Variants in PDE8B observed in about 807,000 individuals in gnomAD.
PDE8B encodes the protein high affinity cAMP-specific and IBMX-insensitive 3',5'-cyclic phosphodiesterase 8B.
In PDE8B, 26 loss-of-function variants were observed where a neutral mutation model predicts 101.3. The ratio of observed to expected loss-of-function variants is 0.26; its 90% CI spans 0.19 to 0.36. The LOEUF is 0.36. PDE8B is among the 10% of genes least tolerant of loss of function. The pLI is 1.00. For missense variants in PDE8B, 810 were observed against 1,163.1 expected (o/e 0.70, Z 4.42); for synonymous variants, 424 against 429.3 (o/e 0.99, Z 0.15).
chr5:77,267,096 A>G (rs1046260740), intron 1 of PDE8B, among the ~76,000 whole-genome samples: 1 of 152,060 alleles, frequency 6.6e-6, no homozygotes, highest in Non-Finnish European at 1.5e-5. Flanking sequence ...TGCTCAGTTG[A>G]GTGACTCATT....
chr5:77,327,296 T>C lies in PDE8B; in HGVS notation c.590+1567T>C, dbSNP rs146832800. On this transcript the variant is annotated intron_variant, in intron 3 of 21. Transcript: ENST00000264917. ...CCCCACCTTCTCCTTAGTCCTCTCA[T>C]CCAGGAAGAGGCCTAGGTCTCTCTT... 6.6e-4 allele frequency among the ~76,000 whole-genome samples: 101 copies of C among 152,256 alleles called. 2 individuals carry two copies. The highest frequency in any genetic ancestry group is 2.6e-4 in the Non-Finnish European group (18 of 68,018).
At chr5:77,113,662 TG>T in the PDE8B span, 1 of 152,050 alleles carries the variant, frequency 6.6e-6, no homozygotes, top group Non-Finnish European at 1.5e-5. Context: ...AATAGACAAA[TG>T]GAATCTAATT....
intron 1 of PDE8B, among the ~76,000 whole-genome samples, chr5:77,287,526 A>G (rs747797937): frequency 6.7e-6 from 1 of 149,908 alleles, no homozygotes; most frequent in Non-Finnish European, 1.5e-5. Flanking sequence ...ATTCTCCACC[A>G]TTTTCTCTTC....
Position 77,349,547 on chromosome 5 carries a change from C to G in PDE8B, c.1005C>G (p.Ile335Met). 3.7e-6 allele frequency: 6 copies of G among 1,614,124 alleles called. No individual in the cohort carries two copies. The highest frequency in any genetic ancestry group is 5.1e-6 in the Non-Finnish European group (6 of 1,180,020). The change falls in exon 8 of 22, where the codon ATC (isoleucine) becomes ATG (methionine). Residue 335 changes from isoleucine to methionine, a missense_variant. Coordinates refer to ENST00000264917, the MANE Select transcript of PDE8B (RefSeq NM_003719.5). ...TTCTCGACACCATCAATACATGCAT[C>G]AAGAAGGGAAAGGTGGGTTACACCA... ...ADLLDTINTC[I>M]KKGKEWQGVY...
At chr5:77,367,714 A>G (rs1784404856) in intron 10 of PDE8B, among the ~76,000 whole-genome samples, 1 of 152,084 alleles carries the variant, frequency 6.6e-6, no homozygotes, top group Non-Finnish European at 1.5e-5. Context: ...TATTTTTAGT[A>G]GAGATGAGGT....
chr5:77,127,732 G>T, the PDE8B span, among the ~76,000 whole-genome samples: 1 of 152,006 alleles, frequency 6.6e-6, no homozygotes, highest in Non-Finnish European at 1.5e-5. Context: ...AGGGTCTCCT[G>T]GCAAGATGAG....
At position 77,281,038 on chromosome 5, in the gene PDE8B, T is replaced by A. The variant is rs534515745; in HGVS notation, c.340-30956T>A. On this transcript the variant is annotated intron_variant, in intron 1 of 21. Transcript: ENST00000264917. Reference sequence around the variant, plus strand: ...TCCACCTGCCGAGGGGCTGGAGGTGTGCTTGCTGCTGTAAACTTGCTCTGT... The same window carrying A: ...TCCACCTGCCGAGGGGCTGGAGGTGAGCTTGCTGCTGTAAACTTGCTCTGT... Among the ~76,000 whole-genome samples the A allele has an allele frequency of 6.6e-5, 10 of 152,378 alleles. No homozygotes were observed. In the South Asian group the frequency reaches 1.9e-3, roughly 28 times the overall value.
At chr5:77,230,740 C>T (rs1450184091) in intron 1 of PDE8B, among the ~76,000 whole-genome samples, 2 of 152,176 alleles carry the variant, frequency 1.3e-5, no homozygotes, top group East Asian at 1.9e-4. Flanking sequence ...CCACCAGACC[C>T]GGCCATTCTG....
intron 1 of PDE8B, among the ~76,000 whole-genome samples, chr5:77,267,697 C>T (rs1285244951): frequency 6.6e-6 from 1 of 152,176 alleles, no homozygotes; most frequent in Non-Finnish European, 1.5e-5. Context: ...TGATCCTAAT[C>T]AGTGCGTGTT....
the PDE8B span, chr5:77,119,404 A>C: frequency 6.6e-6 from 1 of 152,210 alleles, no homozygotes. Context: ...CACGCCTGTA[A>C]TCCCAGCACT....
chr5:77,153,389 A>G, the PDE8B span, among the ~76,000 whole-genome samples: 1 of 152,220 alleles, frequency 6.6e-6, no homozygotes, highest in African/African-American at 2.4e-5. Flanking sequence ...TGTGCAATGA[A>G]TGAATGTCAT....
At chr5:77,348,306 G>A (rs1479459973) in intron 7 of PDE8B, among the ~76,000 whole-genome samples, 1 of 152,154 alleles carries the variant, frequency 6.6e-6, no homozygotes, top group Non-Finnish European at 1.5e-5. Context: ...ATTCTTCACC[G>A]CTTGTCTCTC....
rs544703394 is a variant in PDE8B, at chr5:77,376,824, C to G, written c.1167+23418C>G. Among the ~76,000 whole-genome samples the G allele has an allele frequency of 4.6e-5, 7 of 152,262 alleles. 1 individual carries two copies. In the East Asian group the frequency reaches 9.6e-4, roughly 21 times the overall value. ...AGGATCAATTCTATCTTATGCTAAT[C>G]AAGTGCAAATGAAGGCCTGGTGTCA... On this transcript the variant is annotated intron_variant, in intron 10 of 21. Coordinates refer to ENST00000264917, the MANE Select transcript of PDE8B (RefSeq NM_003719.5).
At chr5:77,250,421 G>C (rs190650994) in intron 1 of PDE8B, among the ~76,000 whole-genome samples, 174 of 152,216 alleles carry the variant, frequency 1.1e-3, no homozygotes, top group Non-Finnish European at 1.7e-3. Context: ...TGACCCTGGG[G>C]TATATGAGGA....
chr5:77,095,269 T>G, the PDE8B span, among the ~76,000 whole-genome samples: 1 of 152,172 alleles, frequency 6.6e-6, no homozygotes, highest in African/African-American at 2.4e-5. Flanking sequence ...GTGAAATGCC[T>G]TGAGCATCCC....
At chr5:77,144,099 A>C in the PDE8B span, 1 of 152,158 alleles carries the variant, frequency 6.6e-6, no homozygotes, top group Non-Finnish European at 1.5e-5. Context: ...ATCTGCTCAA[A>C]AGAGCATGGA....
chr5:77,163,906 C>T, the PDE8B span, among the ~76,000 whole-genome samples: 1 of 152,190 alleles, frequency 6.6e-6, no homozygotes, highest in East Asian at 1.9e-4. Context: ...TTAAACGTGG[C>T]CTTGTGACCC....
chr5:77,397,630 C>T (rs1457758656), intron 10 of PDE8B, among the ~76,000 whole-genome samples: 1 of 152,164 alleles, frequency 6.6e-6, no homozygotes, highest in Admixed American at 6.5e-5. Flanking sequence ...GTCTTCTCTT[C>T]AACTTAGCTT....
rs1324717658 is a variant in PDE8B at position 77,301,456 on chromosome 5, AG to A, written c.340-10535del. Among the ~76,000 whole-genome samples the A allele has an allele frequency of 2.6e-5, 4 of 152,350 alleles. No homozygotes were observed. The East Asian group carries it at 7.7e-4, about 29-fold the overall frequency. On this transcript the variant is annotated intron_variant, in intron 1 of 21. Transcript: ENST00000264917. ...CCAACTTCATGTAATGTTCAGGAGAAGGGAAGGCATCAGAGGCATGCAGGAG... is the reference window on the plus strand; with the variant it reads ...CCAACTTCATGTAATGTTCAGGAGAAGGAAGGCATCAGAGGCATGCAGGAG...
Sources: allele counts gnomAD v4.1 joint callset (sites outside exome capture counted in the v4.1 genomes callset), GRCh38; gene constraint gnomAD v4.1.1; transcripts MANE v1.5; gene names NCBI Gene and HGNC (gene_info 2026-07-23, HGNC 2026-07-21).